The following GAB4 variants were observed in gnomAD, a reference collection of about 807,000 sequenced individuals.
The protein encoded by GAB4 is GRB2-associated-binding protein 4.
Under a neutral mutation model 51.3 loss-of-function variants are expected in GAB4, and 26 were observed. The ratio of observed to expected loss-of-function variants is 0.51; its 90% CI spans 0.37 to 0.70. The LOEUF is 0.70. Among genes scored for constraint, GAB4 ranks in the 30% least tolerant of loss-of-function variants. The pLI is 0.00. For missense variants in GAB4, 759 were observed against 734.6 expected (o/e 1.03, Z -0.38); for synonymous variants, 329 against 291.2 (o/e 1.13, Z -1.32).
chr22:17,001,326 CTTTG>C (rs764686804), intron 1 of GAB4, among the ~76,000 whole-genome samples: 5 of 152,272 alleles, frequency 3.3e-5, no homozygotes, highest in South Asian at 2.1e-4. Context: ...TTCTTGGATG[CTTTG>C]TTTGTTTCTT....
Position 16,988,090 on chromosome 22 carries a change from G to C in GAB4, c.556C>G (p.Leu186Val), listed in dbSNP as rs1313881391. Reference protein sequence around the residue: ...PAEPSCSHQHLPQEQEPTSEP... With the variant: ...PAEPSCSHQHVPQEQEPTSEP... ...GATGTGGGTTCTTGTTCTTGGGGGA[G>C]GTGCTGATGGGAGCAGCTGGGCTCA... Residue 186 changes from leucine (L) to valine (V), a missense_variant, in exon 3 of 10, where the codon CTC (leucine) becomes GTC (valine). This residue lies in a region of GAB4 where 588 missense variants were observed against 510.2 expected (regional missense o/e 1.15). Coordinates refer to ENST00000400588, the MANE Select transcript of GAB4 (RefSeq NM_001037814.1). 1 of 1,609,084 alleles carries C rather than the reference G, an allele frequency of 6.2e-7. No homozygotes were observed. Among genetic ancestry groups the C allele is most frequent in the Admixed American group, 1.7e-5 (1 of 59,240 alleles).
At chr22:16,988,397 G>A (rs1442922036) in intron 2 of GAB4, among the ~76,000 whole-genome samples, 1 of 152,174 alleles carries the variant, frequency 6.6e-6, no homozygotes, top group Admixed American at 6.5e-5. Flanking sequence ...AGTGCCCTGG[G>A]CCCTGACTGC....
Position 17,007,982 on chromosome 22 carries a change from A to G in GAB4, c.133T>C (p.Trp45Arg). The stretch of plus-strand genomic sequence containing the variant: ...TTCTCGGGGGGCGACTTCCTCAGCC[A>G]GCCGCTGTACAGCACGTGGCCACTT... ...TRSGHVLYSG[W>R]LRKSPPEKKL... The change falls in exon 1 of 10, where the codon TGG becomes CGG. Residue 45 changes from tryptophan to arginine, a missense_variant. Around this residue, in one of 3 missense-constraint regions of GAB4, gnomAD observed 83 missense variants for 73.1 expected, o/e 1.14. Coordinates refer to ENST00000400588, the MANE Select transcript of GAB4 (RefSeq NM_001037814.1). The G allele has an allele frequency of 6.2e-7, 1 of 1,609,020 alleles. No homozygotes were observed. Among genetic ancestry groups the G allele is most frequent in the Non-Finnish European group, 8.5e-7 (1 of 1,176,978 alleles).
chr22:16,984,023 C>T (rs562350542), intron 3 of GAB4, among the ~76,000 whole-genome samples: 61 of 152,200 alleles, frequency 4.0e-4, no homozygotes, highest in Non-Finnish European at 8.4e-4. Flanking sequence ...AAACAATCTA[C>T]GCAATAGGAG....
intron 2 of GAB4, among the ~76,000 whole-genome samples, chr22:16,991,495 T>C (rs1242381878): frequency 6.6e-6 from 1 of 152,194 alleles, no homozygotes; most frequent in East Asian, 1.9e-4. Flanking sequence ...TGTCCCCTCC[T>C]AAGTGATTAT....
chr22:17,007,758 C>T (rs1204099081), intron 1 of GAB4, among the ~76,000 whole-genome samples, 183 bp downstream of exon 1: 1 of 152,146 alleles, frequency 6.6e-6, no homozygotes, highest in Non-Finnish European at 1.5e-5. Flanking sequence ...GGTCTCGGAA[C>T]GCAACCCACA....
At chr22:16,965,649 C>T (rs1157844418) in intron 6 of GAB4, among the ~76,000 whole-genome samples, 3 of 152,216 alleles carry the variant, frequency 2.0e-5, no homozygotes, top group Admixed American at 2.0e-4. Context: ...GGCTGTGTAG[C>T]CCACCATGGA....
At chr22:16,976,855 G>A (rs1318657025) in intron 3 of GAB4, among the ~76,000 whole-genome samples, 1 of 152,200 alleles carries the variant, frequency 6.6e-6, no homozygotes, top group Non-Finnish European at 1.5e-5. Context: ...AAGAGAGAAG[G>A]GGCCAATATT....
In GAB4 at chr22:16,987,401, C is replaced by G. The variant is rs1268953051; in HGVS notation, c.686+559G>C. On this transcript the variant is annotated intron_variant, in intron 3 of 9. Coordinates refer to ENST00000400588, the MANE Select transcript of GAB4 (RefSeq NM_001037814.1). The stretch of plus-strand genomic sequence containing the variant: ...AGCAAGAAGTCCCTTGTGAAACCAT[C>G]TGTGGTGATGGACATGCTACCTATC... Among the ~76,000 whole-genome samples, 3 of 152,242 alleles carry G rather than the reference C, an allele frequency of 2.0e-5. No individual in the cohort carries two copies. The South Asian group carries it at 6.2e-4, about 32-fold the overall frequency.
chr22:16,994,265 T>C (rs759152024), intron 1 of GAB4, among the ~76,000 whole-genome samples: 2 of 152,208 alleles, frequency 1.3e-5, no homozygotes, highest in Non-Finnish European at 2.9e-5. Flanking sequence ...AAAGACTTCA[T>C]TGCTGCTATA....
chr22:16,974,085 G>T (rs1277989227), intron 3 of GAB4, among the ~76,000 whole-genome samples: 2 of 152,234 alleles, frequency 1.3e-5, no homozygotes, highest in African/African-American at 4.8e-5. Context: ...TGGACACCCT[G>T]CTCAATCCCT....
Position 16,962,535 on chromosome 22 carries a change from G to GC in GAB4, c.*197dup. The GC allele has an allele frequency of 4.6e-6, 2 of 432,212 alleles. No homozygotes were observed. The highest frequency in any genetic ancestry group is 7.0e-5 in the East Asian group (2 of 28,716). 26.8% of individuals were successfully genotyped at this position (432,212 alleles called of 1,614,324 possible). ...AGACTGAGGATGCTTGCTGGCAACT[G>GC]CTCCTAGCAAGGGGGTGAAGGTGGG... On this transcript the variant is annotated 3_prime_UTR_variant, in exon 10 of 10. Transcript: ENST00000400588.
intron 1 of GAB4, among the ~76,000 whole-genome samples, chr22:17,001,481 G>A (rs2060997177): frequency 6.6e-6 from 1 of 152,104 alleles, no homozygotes; most frequent in Non-Finnish European, 1.5e-5. Flanking sequence ...ATGATTTTCA[G>A]CTCCATCAGG....
intron 1 of GAB4, among the ~76,000 whole-genome samples, chr22:16,997,949 T>G (rs532370221): frequency 6.6e-6 from 1 of 152,198 alleles, no homozygotes; most frequent in Non-Finnish European, 1.5e-5. Context: ...AAAGATCAGA[T>G]GGTTGTAAAT....
At chr22:17,001,717 G>A (rs2060998949) in intron 1 of GAB4, among the ~76,000 whole-genome samples, 1 of 152,134 alleles carries the variant, frequency 6.6e-6, no homozygotes, top group African/African-American at 2.4e-5. Context: ...AGGAGAAGAG[G>A]CGCTCTGATT....
In GAB4 at chr22:16,987,994, GC is replaced by G. The variant is rs1569104350; in HGVS notation, c.651del (p.His218ThrfsTer26). ...TCTGCTCTCTGGCTGGCGTGCTGGT[GC>G]GAGCGGAGACACCCCGGAGGTGCAG... is the stretch of plus-strand genomic sequence containing the variant. ...PIPAPPGCLR[S>X]HQHASQRAEH... On this transcript the variant is annotated frameshift_variant, in exon 3 of 10. Coordinates refer to ENST00000400588, the MANE Select transcript of GAB4 (RefSeq NM_001037814.1). LOFTEE classifies it high-confidence loss of function. The G allele has an allele frequency of 6.2e-7, 1 of 1,609,112 alleles. No homozygotes were observed. Among genetic ancestry groups the G allele is most frequent in the Admixed American group, 1.7e-5 (1 of 59,112 alleles).
intron 3 of GAB4, among the ~76,000 whole-genome samples, chr22:16,984,012 G>C (rs1367673741): frequency 6.6e-6 from 1 of 152,048 alleles, no homozygotes; most frequent in Non-Finnish European, 1.5e-5. Flanking sequence ...ATAAGGTAAA[G>C]AAACAATCTA....
At chr22:16,978,444 A>G (rs2060799042) in intron 3 of GAB4, among the ~76,000 whole-genome samples, 1 of 152,220 alleles carries the variant, frequency 6.6e-6, no homozygotes. Flanking sequence ...GAAATGGGCA[A>G]ATACCTGGAC....
chr22:17,002,656 A>G (rs112308508), intron 1 of GAB4, among the ~76,000 whole-genome samples: 3,367 of 152,200 alleles, frequency 0.022, 58 homozygotes, highest in Middle Eastern at 0.068. Context: ...AGGAAGGGGA[A>G]CATCACACAC....
Sources: gnomAD v4.1 joint callset for allele counts (sites outside exome capture counted in the v4.1 genomes callset) on GRCh38, gnomAD v4.1.1 for gene constraint, gnomAD v4.1.1 regional missense constraint, MANE v1.5 for transcripts, NCBI Gene and HGNC (gene_info 2026-07-23, HGNC 2026-07-21) for gene names.